The following SLC6A16 variants were observed in gnomAD, a reference collection of about 807,000 sequenced individuals.
SLC6A16 encodes the protein solute carrier family 6 member 16.
SLC6A16 carries 54 observed loss-of-function variants against 65.4 expected under a neutral mutation model. The ratio of observed to expected loss-of-function variants is 0.83; its 90% confidence interval spans 0.66 to 1.04. SLC6A16 has a LOEUF of 1.04. Among genes scored for constraint, SLC6A16 ranks in the 50% least tolerant of loss-of-function variants. The pLI is 0.00. For missense variants in SLC6A16, 816 were observed against 914.0 expected (o/e 0.89, Z 1.38); for synonymous variants, 330 against 346.5 (o/e 0.95, Z 0.53).
chr19:49,336,685 G>T, the SLC6A16 span: 1 of 517,728 alleles, frequency 1.9e-6, no homozygotes, highest in East Asian at 3.3e-5. Flanking sequence ...AAGGAGGAAG[G>T]AGAGGGTAAG....
At chr19:49,338,229 G>A in the SLC6A16 span, 1 of 1,422,494 alleles carries the variant, frequency 7.0e-7, no homozygotes, top group Non-Finnish European at 9.2e-7. This position sits in a 1 kb window ranked among gnomAD's most constrained non-coding sequence, Gnocchi z 5.0. Context: ...CCAGACCCTG[G>A]CGTGGCTTCG....
rs747241187 is a variant in SLC6A16, at chr19:49,309,775, G to T, written c.752C>A (p.Ala251Asp). The change falls in exon 5 of 12, where the codon GCC becomes GAC. Residue 251 changes from alanine to aspartate, a missense_variant. Ala to Asp is a moderately radical substitution (Grantham distance 126). Coordinates refer to ENST00000335875, the MANE Select transcript of SLC6A16 (RefSeq NM_014037.3). ...CTCGATTCTGTCTGAGGCCTTCAAG[G>T]CCTGCTGGTACCAGAAGTATATGGA... The part of the protein sequence containing the change: ...TPSIYFWYQQ[A>D]LKASDRIEDG... 5.6e-6 allele frequency: 9 copies of T among 1,614,004 alleles called. No homozygotes were observed. Among genetic ancestry groups the T allele is most frequent in the Non-Finnish European group, 7.6e-6 (9 of 1,179,952 alleles).
intron 3 of SLC6A16, 53 bp downstream of exon 3, chr19:49,310,300 T>C (rs1167780027): frequency 1.2e-6 from 2 of 1,607,406 alleles, no homozygotes; most frequent in African/African-American, 2.7e-5. Flanking sequence ...GGAGGAGGGT[T>C]GGGATGGCGG....
chr19:49,319,868 A>G (rs1343780992), intron 1 of SLC6A16, among the ~76,000 whole-genome samples: 1 of 152,170 alleles, frequency 6.6e-6, no homozygotes, highest in Non-Finnish European at 1.5e-5. Context: ...ATCATACAAA[A>G]TATCTTCTCC....
chr19:49,332,888 G>A, the SLC6A16 span, among the ~76,000 whole-genome samples: 766 of 152,284 alleles, frequency 5.0e-3, 5 homozygotes, highest in Non-Finnish European at 8.8e-3. Flanking sequence ...GGGGCTGGGC[G>A]CAGTGGCTTA....
chr19:49,311,088 T>C lies in SLC6A16; in HGVS notation c.260A>G (p.Glu87Gly), dbSNP rs1970511477. 6.2e-7 allele frequency: 1 copy of C among 1,614,092 alleles called. No individual in the cohort carries two copies. Among genetic ancestry groups the C allele is most frequent in the African/African-American group, 1.3e-5 (1 of 74,928 alleles). ...TTTCTTCTCTGTCATCTGCACCTTCTCATGCGTGGGTTTCTGGTTCAGGGC... is the reference window on the plus strand; with the variant it reads ...TTTCTTCTCTGTCATCTGCACCTTCCCATGCGTGGGTTTCTGGTTCAGGGC... ...ASALNQKPTHEKVQMTEKKES... is the reference protein window; with the variant it reads ...ASALNQKPTHGKVQMTEKKES... The change falls in exon 2 of 12, where the codon GAG becomes GGG. Residue 87 changes from glutamate to glycine, a missense_variant. Transcript: ENST00000335875.
chr19:49,327,100 A>G (rs372213907), upstream of SLC6A16, among the ~76,000 whole-genome samples: 34 of 150,976 alleles, frequency 2.3e-4, 1 homozygote, highest in Admixed American at 9.9e-4. Flanking sequence ...TTTTGAGACA[A>G]TCTCACTTTG....
intron 7 of SLC6A16, among the ~76,000 whole-genome samples, chr19:49,296,060 G>A (rs886409104): frequency 1.3e-5 from 2 of 152,062 alleles, no homozygotes; most frequent in African/African-American, 2.4e-5. Context: ...TGCGATCTCC[G>A]CTCACTGCAA....
intron 1 of SLC6A16, among the ~76,000 whole-genome samples, chr19:49,322,817 C>CTTTTTTTTTTTTTTTTTTTTTTT (rs536909742): frequency 2.4e-5 from 1 of 41,970 alleles, no homozygotes; most frequent in Non-Finnish European, 4.5e-5. Flanking sequence ...GAATTAGTAG[C>CTTTTTTTTTTTTTTTTTTTTTTT]TTTTTTTTTT....
chr19:49,325,768 T>A (rs541797899), upstream of SLC6A16, among the ~76,000 whole-genome samples: 30 of 152,338 alleles, frequency 2.0e-4, no homozygotes, highest in African/African-American at 6.7e-4. Context: ...GTGAGTTGTA[T>A]CTATCAATAT....
rs1163394896 is a variant in SLC6A16 at position 49,294,356 on chromosome 19, T to G, written c.1416+11A>C. 1 of 1,613,148 alleles carries G rather than the reference T, an allele frequency of 6.2e-7. No individual in the cohort carries two copies. The highest frequency in any genetic ancestry group is 1.7e-5 in the Admixed American group (1 of 59,840). ...GAACTCTAGGCTCCCCCCTCAGCTA[T>G]GTTTACTGACCTTAAGAAACTGAGT... On this transcript the variant is annotated intron_variant, in intron 8 of 11. Coordinates refer to ENST00000335875, the MANE Select transcript of SLC6A16 (RefSeq NM_014037.3).
the SLC6A16 span, chr19:49,339,373 T>C: frequency 6.2e-7 from 1 of 1,613,932 alleles, no homozygotes; most frequent in African/African-American, 1.3e-5. The surrounding 1 kb of genome is among the most constrained non-coding windows in gnomAD (Gnocchi z 4.5). Flanking sequence ...AACAACCTTA[T>C]TTCCATAGTG....
the SLC6A16 span, chr19:49,332,031 GAAC>G: frequency 2.2e-6 from 1 of 452,502 alleles, no homozygotes; most frequent in Non-Finnish European, 4.4e-6. Flanking sequence ...TTACTACTTA[GAAC>G]AACAGAAATG....
chr19:49,313,149 T>A (rs934699281), intron 1 of SLC6A16, among the ~76,000 whole-genome samples: 13 of 151,946 alleles, frequency 8.6e-5, no homozygotes, highest in African/African-American at 2.4e-4. Flanking sequence ...TTACATTAAA[T>A]TTTTTAAAAT....
upstream of SLC6A16, among the ~76,000 whole-genome samples, chr19:49,326,184 A>AAAAAAAGGAT (rs1970795370): frequency 6.6e-6 from 1 of 152,052 alleles, no homozygotes; most frequent in Non-Finnish European, 1.5e-5. Context: ...AAAAAAAGGA[A>AAAAAAAGGAT]AAAAAAGAAA....
the SLC6A16 span, among the ~76,000 whole-genome samples, chr19:49,332,894 G>T: frequency 6.6e-6 from 1 of 152,284 alleles, no homozygotes; most frequent in East Asian, 1.9e-4. Context: ...GGGCGCAGTG[G>T]CTTACACCTG....
At chr19:49,322,904 C>G (rs929017342) in intron 1 of SLC6A16, among the ~76,000 whole-genome samples, 2 of 115,646 alleles carry the variant, frequency 1.7e-5, no homozygotes, top group African/African-American at 6.8e-5. Flanking sequence ...CATGAAATCT[C>G]AAGGGACCCT....
chr19:49,339,660 G>A, the SLC6A16 span: 4 of 1,428,844 alleles, frequency 2.8e-6, no homozygotes, highest in South Asian at 1.5e-5. The surrounding 1 kb of genome is among the most constrained non-coding windows in gnomAD (Gnocchi z 4.5). Context: ...CTCCGCAGAT[G>A]ACTGTCATGG....
chr19:49,310,994 G>A lies in SLC6A16; in HGVS notation c.354C>T (p.Gly118=), dbSNP rs1970508193. Residue 118 remains glycine, a synonymous_variant, in exon 2 of 12, where the codon GGC becomes GGT. Transcript: ENST00000335875. ...AGAGACAAGATGGCTTCATAGAGAA[G>A]CCCACCTGAGCCAGAATATACTCAG... ...SKTEYILAQV[G]FSMKPSCLWR... 2.5e-6 allele frequency: 4 copies of A among 1,614,082 alleles called. No homozygotes were observed. The highest frequency in any genetic ancestry group is 1.1e-5 in the South Asian group (1 of 91,084).
Sources: gnomAD v4.1 joint callset for allele counts (sites outside exome capture counted in the v4.1 genomes callset) on GRCh38, gnomAD v4.1.1 for gene constraint, Gnocchi (gnomAD v3.1) non-coding constraint, MANE v1.5 for transcripts, NCBI Gene and HGNC (gene_info 2026-07-23, HGNC 2026-07-21) for gene names.